Variants in ZNF480 observed in about 807,000 individuals in gnomAD.
The protein encoded by ZNF480 is zinc finger protein 480.
A neutral mutation model predicts 14.4 loss-of-function variants in ZNF480; 15 were observed. The observed-to-expected ratio is 1.04, with a 90% CI of 0.70 to 1.60. The LOEUF (loss-of-function observed/expected upper bound fraction) is 1.60, where lower values mean the gene tolerates loss of function less well. Among genes scored for constraint, ZNF480 ranks in the 40% most tolerant of loss-of-function variants. The probability of loss-of-function intolerance (pLI) is 0.00; values close to 1 mark genes in which losing one functional copy is unlikely to be tolerated. For missense variants in ZNF480, 593 were observed against 629.7 expected, an observed-to-expected ratio of 0.94 and a Z score of 0.62; for synonymous variants, 218 against 215.5, an observed-to-expected ratio of 1.01 and a Z score of -0.10.
intron 2 of ZNF480, 125 bp downstream of exon 2, chr19:52,300,609 C>A (rs1982643791): frequency 6.6e-7 from 1 of 1,524,684 alleles, no homozygotes. Flanking sequence ...CTTACCTATG[C>A]CTTCCCTCAG....
chr19:52,305,455 C>G (rs1444748700), intron 2 of ZNF480, among the ~76,000 whole-genome samples: 1 of 152,174 alleles, frequency 6.6e-6, no homozygotes, highest in East Asian at 1.9e-4. Flanking sequence ...GCTTCCAAAT[C>G]CTCTTGTTCG....
At chr19:52,308,409 C>A (rs1026207944) in intron 2 of ZNF480, among the ~76,000 whole-genome samples, 1 of 149,836 alleles carries the variant, frequency 6.7e-6, no homozygotes, top group African/African-American at 2.5e-5. Flanking sequence ...CTGGTTCAAG[C>A]AATTCTTGTG....
At chr19:52,307,041 C>T (rs1209994668) in intron 2 of ZNF480, among the ~76,000 whole-genome samples, 2 of 152,184 alleles carry the variant, frequency 1.3e-5, no homozygotes, top group Non-Finnish European at 2.9e-5. Context: ...TTACACTCCC[C>T]TTCTTCCTCT....
Position 52,322,425 on chromosome 19 carries a change from T to G in ZNF480, c.1175T>G (p.Ile392Ser), listed in dbSNP as rs758005942. The G allele has an allele frequency of 6.2e-7, 1 of 1,613,994 alleles. No individual in the cohort carries two copies. The highest frequency in any genetic ancestry group is 1.1e-5 in the South Asian group (1 of 91,068). The change falls in exon 5 of 5, where the codon ATT becomes AGT. Residue 392 changes from isoleucine (I) to serine (S), a missense_variant. Transcript: ENST00000595962. ...TCGCACCTAGCACAACATTGGAGAA[T>G]TCATACAGGAGAGAAACCTTACAAA... ...QNSHLAQHWR[I>S]HTGEKPYKCN...
chr19:52,318,435 A>G lies in ZNF480; in HGVS notation c.328+2473A>G, dbSNP rs1441569270. On this transcript the variant is annotated intron_variant, in intron 4 of 4. Coordinates refer to ENST00000595962, the MANE Select transcript of ZNF480 (RefSeq NM_144684.4). ...TATATATTTTAGATATTAAGTTTTT[A>G]TCACAGATATGATATGCAAATATTT... Among the ~76,000 whole-genome samples, 4 of 152,280 alleles carry G rather than the reference A, an allele frequency of 2.6e-5. No homozygotes were observed. The East Asian group carries it at 7.7e-4, about 29-fold the overall frequency.
chr19:52,304,317 C>T (rs1982828537), intron 2 of ZNF480, among the ~76,000 whole-genome samples: 1 of 152,172 alleles, frequency 6.6e-6, no homozygotes, highest in Admixed American at 6.5e-5. Context: ...GCAGTCCTGG[C>T]TGCAATGTCC....
rs147962919 is a variant in ZNF480 at position 52,322,853 on chromosome 19, G to T, written c.1603G>T (p.Gly535Ter). The change falls in exon 5 of 5, where the codon GGA becomes TGA. Residue 535 changes from glycine (G) to a stop codon, truncating the protein, a stop_gained. Transcript: ENST00000595962. LOFTEE classifies it high-confidence loss of function. The part of the protein sequence containing the change: ...YLAQHWTIHM[G>*] ...AGCACAACATTGGACAATTCATATGGGATAGAAACTACAAATGCAACAAAT... is the reference window on the plus strand; with the variant it reads ...AGCACAACATTGGACAATTCATATGTGATAGAAACTACAAATGCAACAAAT... 1.3e-6 allele frequency: 2 copies of T among 1,560,240 alleles called. No homozygotes were observed. Among genetic ancestry groups the T allele is most frequent in the African/African-American group, 1.4e-5 (1 of 73,482 alleles).
intron 2 of ZNF480, among the ~76,000 whole-genome samples, chr19:52,311,079 C>A (rs1391998376): frequency 4.1e-5 from 6 of 147,710 alleles, no homozygotes; most frequent in African/African-American, 1.5e-4. Flanking sequence ...ATTATTATAT[C>A]ATATTAATAA....
At chr19:52,302,035 G>T in intron 2 of ZNF480, 1 of 200,442 alleles carries the variant, frequency 5.0e-6, no homozygotes. Context: ...CAACTGGGGG[G>T]TCCTCGGGTT....
At chr19:52,311,639 A>C (rs966322650) in intron 2 of ZNF480, among the ~76,000 whole-genome samples, 3 of 152,182 alleles carry the variant, frequency 2.0e-5, no homozygotes, top group Non-Finnish European at 4.4e-5. Context: ...TGAAATGTAC[A>C]TAGCAAAAAT....
At position 52,321,805 on chromosome 19, in the gene ZNF480, T is replaced by A. The variant is rs1568636658; in HGVS notation, c.555T>A (p.Asp185Glu). ...KTPIFNRNDF[D>E]DSSFLPQEQK... The stretch of plus-strand genomic sequence containing the variant: ...CCATTTTTAATAGGAATGATTTTGA[T>A]GATTCTTCATTTCTCCCACAAGAAC... Residue 185 changes from aspartate (D) to glutamate (E), a missense_variant, in exon 5 of 5, where the codon GAT (aspartate) becomes GAA (glutamate). Physicochemically the swap from Asp to Glu is conservative, Grantham distance 45. Transcript: ENST00000595962. The A allele has an allele frequency of 6.2e-7, 1 of 1,613,890 alleles. No individual in the cohort carries two copies. The highest frequency in any genetic ancestry group is 8.5e-7 in the Non-Finnish European group (1 of 1,179,904).
At chr19:52,298,167 CAG>C (rs546831147) in intron 1 of ZNF480, among the ~76,000 whole-genome samples, 10 of 152,050 alleles carry the variant, frequency 6.6e-5, no homozygotes, top group Admixed American at 3.9e-4. Context: ...CCAGGGCAGA[CAG>C]AGCAGCGTGG....
intron 4 of ZNF480, among the ~76,000 whole-genome samples, chr19:52,317,073 A>G (rs1049902724): frequency 6.6e-6 from 1 of 152,082 alleles, no homozygotes; most frequent in Non-Finnish European, 1.5e-5. Context: ...GCTGAAGTGC[A>G]GTGGCGTGAT....
At chr19:52,300,623 C>T (rs915247481) in intron 2 of ZNF480, 139 bp downstream of exon 2, 76 of 1,460,070 alleles carry the variant, frequency 5.2e-5, no homozygotes, top group Non-Finnish European at 6.1e-5. Flanking sequence ...CCCTCAGTGC[C>T]GAGACCAGCT....
intron 2 of ZNF480, chr19:52,307,673 C>T (rs1157254142): frequency 3.2e-5 from 1 of 31,012 alleles, no homozygotes; most frequent in Non-Finnish European, 1.0e-4. Flanking sequence ...CAGTGATAAG[C>T]ATTGTTTCTA....
intron 4 of ZNF480, among the ~76,000 whole-genome samples, chr19:52,316,236 C>CTTTCTTT (rs1983552818): frequency 1.4e-5 from 2 of 147,732 alleles, no homozygotes; most frequent in African/African-American, 5.0e-5. Flanking sequence ...TTCTTCCTTT[C>CTTTCTTT]CTTTATTTGA....
At position 52,325,530 on chromosome 19, in the gene ZNF480, G is replaced by A. The variant is rs1409520362; in HGVS notation, c.*2672G>A. ...GTGGAATCAACGTAAATGCCCATCA[G>A]CAGTAGACCAGATAAAGAAAATTTG... On this transcript the variant is annotated 3_prime_UTR_variant, in exon 5 of 5. Transcript: ENST00000595962. The A allele has an allele frequency of 6.6e-6, 1 of 152,172 alleles. No individual in the cohort carries two copies. Among genetic ancestry groups the A allele is most frequent in the Non-Finnish European group, 1.5e-5 (1 of 68,030 alleles). 9.4% of individuals were successfully genotyped at this position (152,172 alleles called of 1,614,324 possible). A position where few individuals can be genotyped will look rare whatever the true frequency, so the allele number is the denominator to read the frequency against.
At chr19:52,303,550 C>T (rs1190136916) in intron 2 of ZNF480, among the ~76,000 whole-genome samples, 2 of 152,152 alleles carry the variant, frequency 1.3e-5, no homozygotes, top group Admixed American at 1.3e-4. Flanking sequence ...GAAGAAAAAG[C>T]CATTCTACCA....
intron 2 of ZNF480, among the ~76,000 whole-genome samples, chr19:52,313,191 C>T (rs1983375576): frequency 6.9e-6 from 1 of 144,204 alleles, no homozygotes; most frequent in Non-Finnish European, 1.5e-5. Flanking sequence ...GGATGGACTA[C>T]AGTGGTGCAA....
Sources: allele counts gnomAD v4.1 joint callset (sites outside exome capture counted in the v4.1 genomes callset), GRCh38; gene constraint gnomAD v4.1.1; transcripts MANE v1.5; gene names NCBI Gene and HGNC (gene_info 2026-07-23, HGNC 2026-07-21).